NIBAN2: variants seen among roughly 807,000 people sequenced by gnomAD.
The protein encoded by NIBAN2 is protein Niban 2.
In NIBAN2, 36 loss-of-function variants were observed where a neutral mutation model predicts 81.8. The ratio of observed to expected loss-of-function variants is 0.44; its 90% CI spans 0.34 to 0.58. The LOEUF is 0.58. Ranked by LOEUF, NIBAN2 falls within the 20% of genes least tolerant of loss-of-function variation. The probability of loss-of-function intolerance (pLI) is 0.02; values close to 1 mark genes in which losing one functional copy is unlikely to be tolerated. For missense variants in NIBAN2, 897 were observed against 1,014.1 expected, an observed-to-expected ratio of 0.88 and a Z score of 1.57; for synonymous variants, 445 against 441.6, an observed-to-expected ratio of 1.01 and a Z score of -0.10.
At chr9:127,557,140 C>A (rs1303938512) in intron 1 of NIBAN2, among the ~76,000 whole-genome samples, 5 of 152,146 alleles carry the variant, frequency 3.3e-5, no homozygotes, top group African/African-American at 1.2e-4. Context: ...GGCCAAGGGG[C>A]TGTGGGAGCT....
chr9:127,519,472 A>C (rs1432165907), intron 5 of NIBAN2, among the ~76,000 whole-genome samples: 2 of 152,334 alleles, frequency 1.3e-5, no homozygotes, highest in East Asian at 3.9e-4. Flanking sequence ...AGGAAGGGGA[A>C]ACGGAAGCCT....
chr9:127,525,036 C>G, intron 4 of NIBAN2, 22 bp downstream of exon 4: 1 of 1,579,856 alleles, frequency 6.3e-7, no homozygotes, highest in Non-Finnish European at 8.7e-7. Context: ...GGCATTGTGG[C>G]CTGGGATGGG....
rs1454621590 is a variant in NIBAN2, at chr9:127,563,032, G to A, written c.55+5788C>T. On this transcript the variant is annotated intron_variant, in intron 1 of 13. Coordinates refer to ENST00000373312, the MANE Select transcript of NIBAN2 (RefSeq NM_022833.4). This position sits in a 1 kb window ranked among gnomAD's most constrained non-coding sequence, Gnocchi z 4.1. ...AAGTGGTTATCGCAGGACGGCGGGT[G>A]AGTGGTTCCTAGTCCTGTTTTTCCG... 6.6e-6 allele frequency among the ~76,000 whole-genome samples: 1 copy of A among 152,216 alleles called. No homozygotes were observed. Among genetic ancestry groups the A allele is most frequent in the African/African-American group, 2.4e-5 (1 of 41,454 alleles).
rs191481064 is a variant in NIBAN2, at chr9:127,524,955, C to G, written c.421+103G>C. On this transcript the variant is annotated intron_variant, in intron 4 of 13. Coordinates refer to ENST00000373312, the MANE Select transcript of NIBAN2 (RefSeq NM_022833.4). Reference sequence around the variant, plus strand: ...CAGCTCTAAGCCTAGTTGGTCTCTCCGCAAACATGGGGCTGAAAGCAATGG... The same window carrying G: ...CAGCTCTAAGCCTAGTTGGTCTCTCGGCAAACATGGGGCTGAAAGCAATGG... The G allele has an allele frequency of 4.7e-6, 4 of 850,616 alleles. No homozygotes were observed. In the East Asian group the frequency reaches 9.9e-5, roughly 21 times the overall value. 52.7% of individuals were successfully genotyped at this position (850,616 alleles called of 1,614,324 possible).
At chr9:127,532,016 G>C (rs993374853) in intron 1 of NIBAN2, among the ~76,000 whole-genome samples, 5 of 152,220 alleles carry the variant, frequency 3.3e-5, no homozygotes, top group African/African-American at 1.2e-4. Flanking sequence ...GCCATAGACA[G>C]AGAATCAAAC....
At chr9:127,573,988 C>T (rs1837978366), upstream of NIBAN2, among the ~76,000 whole-genome samples, 1 of 152,162 alleles carries the variant, frequency 6.6e-6, no homozygotes, top group Non-Finnish European at 1.5e-5. Flanking sequence ...AATTTATATC[C>T]TCTGCCTGCT....
chr9:127,562,767 T>C (rs532951852), intron 1 of NIBAN2, among the ~76,000 whole-genome samples: 2 of 152,276 alleles, frequency 1.3e-5, no homozygotes, highest in South Asian at 4.1e-4. Context: ...TGTTTGCCCC[T>C]ACAAACCAAC....
intron 1 of NIBAN2, among the ~76,000 whole-genome samples, chr9:127,540,055 C>T (rs1302425288): frequency 6.6e-6 from 1 of 152,240 alleles, no homozygotes; most frequent in African/African-American, 2.4e-5. Context: ...AGAAGTGCCT[C>T]TTGTCAAGGT....
intron 1 of NIBAN2, among the ~76,000 whole-genome samples, chr9:127,549,386 T>C (rs570092126): frequency 5.3e-5 from 8 of 150,564 alleles, no homozygotes; most frequent in African/African-American, 4.9e-5. Flanking sequence ...TGCATGCACA[T>C]GCACGCACAC....
At position 127,516,911 on chromosome 9, in the gene NIBAN2, T is replaced by C; in HGVS notation, c.919A>G (p.Thr307Ala). 6.2e-7 allele frequency: 1 copy of C among 1,614,180 alleles called. No homozygotes were observed. The highest frequency in any genetic ancestry group is 8.5e-7 in the Non-Finnish European group (1 of 1,180,014). Residue 307 changes from threonine (T) to alanine (A), a missense_variant, in exon 8 of 14, where the codon ACT becomes GCT. Physicochemically the swap from Thr to Ala is moderately conservative, Grantham distance 58. Transcript: ENST00000373312. ...VQPAMQAVIR[T>A]DMDQIITSKE... is the part of the protein sequence containing the mutation. Reference sequence around the variant, plus strand: ...GAGGTGATAATTTGGTCCATGTCAGTTCGGATGACGGCCTGCATGGCCGGC... The same window carrying C: ...GAGGTGATAATTTGGTCCATGTCAGCTCGGATGACGGCCTGCATGGCCGGC...
intron 1 of NIBAN2, among the ~76,000 whole-genome samples, chr9:127,564,864 CAA>C (rs80188088): frequency 0.02 from 2,350 of 118,502 alleles, 52 homozygotes; most frequent in African/African-American, 0.066. Flanking sequence ...GACGCCATCT[CAA>C]AAAAAAAAAA....
intron 5 of NIBAN2, among the ~76,000 whole-genome samples, chr9:127,520,571 A>G (rs1438113363): frequency 6.6e-6 from 1 of 152,162 alleles, no homozygotes; most frequent in Non-Finnish European, 1.5e-5. Context: ...TAAGTTAAAC[A>G]GAGGGGATGA....
intron 1 of NIBAN2, among the ~76,000 whole-genome samples, chr9:127,552,162 AC>A (rs1266013721): frequency 6.6e-6 from 1 of 152,066 alleles, no homozygotes; most frequent in Non-Finnish European, 1.5e-5. Flanking sequence ...CCCACCCAGC[AC>A]CCCCAGTCCC....
rs1011530186 is a variant in NIBAN2 at position 127,536,436 on chromosome 9, G to T, written c.56-4658C>A. ...CTGCAGTCCAGGCAGGCCCCACCCA[G>T]TACCCCACTTTTCCTTCTTGCTCCC... On this transcript the variant is annotated intron_variant, in intron 1 of 13. Coordinates refer to ENST00000373312, the MANE Select transcript of NIBAN2 (RefSeq NM_022833.4). The surrounding 1 kb of genome is among the most constrained non-coding windows in gnomAD (Gnocchi z 4.0). 6.6e-6 allele frequency among the ~76,000 whole-genome samples: 1 copy of T among 152,204 alleles called. No homozygotes were observed. The highest frequency in any genetic ancestry group is 2.4e-5 in the African/African-American group (1 of 41,454).
At chr9:127,565,488 G>A (rs1837842403) in intron 1 of NIBAN2, among the ~76,000 whole-genome samples, 1 of 152,002 alleles carries the variant, frequency 6.6e-6, no homozygotes, top group South Asian at 2.1e-4. Context: ...GGTGAATTAC[G>A]CCTCAATAAA....
At chr9:127,554,318 C>A (rs190136577) in intron 1 of NIBAN2, among the ~76,000 whole-genome samples, 1 of 152,096 alleles carries the variant, frequency 6.6e-6, no homozygotes, top group African/African-American at 2.4e-5. Context: ...CTCCACTCAC[C>A]CTTACCCCAA....
At chr9:127,544,476 C>T (rs1210424922) in intron 1 of NIBAN2, among the ~76,000 whole-genome samples, 1 of 151,844 alleles carries the variant, frequency 6.6e-6, no homozygotes, top group East Asian at 1.9e-4. Context: ...GGCTGTTATT[C>T]TTTTTTTCTT....
intron 8 of NIBAN2, among the ~76,000 whole-genome samples, chr9:127,512,637 C>T (rs1836758621): frequency 6.6e-6 from 1 of 152,116 alleles, no homozygotes; most frequent in Admixed American, 6.6e-5. Context: ...TGTATAAAAC[C>T]AAGCTGTGCT....
chr9:127,515,382 A>G (rs546666889), intron 8 of NIBAN2, among the ~76,000 whole-genome samples: 11 of 151,724 alleles, frequency 7.3e-5, no homozygotes, highest in South Asian at 2.1e-4. Context: ...TTAGGTAGGC[A>G]TGGTGGCGGG....
Sources: allele counts gnomAD v4.1 joint callset (sites outside exome capture counted in the v4.1 genomes callset), GRCh38; gene constraint gnomAD v4.1.1; non-coding constraint Gnocchi (gnomAD v3.1); transcripts MANE v1.5; gene names NCBI Gene and HGNC (gene_info 2026-07-23, HGNC 2026-07-21).